Variants in MPPED1 observed in about 807,000 individuals in gnomAD.
MPPED1 encodes metallophosphoesterase domain containing 1, also known as metallophosphoesterase domain-containing protein 1.
In MPPED1, 16 loss-of-function variants were observed where a neutral mutation model predicts 36.2. The ratio of observed to expected loss-of-function variants is 0.44; its 90% CI spans 0.30 to 0.67. The LOEUF is 0.67. Among genes scored for constraint, MPPED1 ranks in the 30% least tolerant of loss-of-function variants. MPPED1 has a pLI of 0.10. For synonymous variants in MPPED1, 199 were observed against 191.3 expected (o/e 1.04, Z -0.33); for missense variants, 307 against 453.4 (o/e 0.68, Z 2.93).
At position 43,502,717 on chromosome 22, in the gene MPPED1, C is replaced by T. The variant is rs1301751962; in HGVS notation, c.822C>T (p.Arg274=). The T allele has an allele frequency of 5.6e-6, 9 of 1,613,176 alleles. No homozygotes were observed. The highest frequency in any genetic ancestry group is 5.3e-5 in the African/African-American group (4 of 74,934). Residue 274 remains arginine, a synonymous_variant, in exon 6 of 7, where the codon CGC becomes CGT. Transcript: ENST00000443721. The surrounding 1 kb of genome is among the most constrained non-coding windows in gnomAD (Gnocchi z 5.5). ...CVELLNTVQR[R]VQPRLHVFGH... Reference sequence around the variant, plus strand: ...AGCTGCTCAACACGGTGCAGAGGCGCGTCCAGCCGCGGTTACATGTCTTTG... The same window carrying T: ...AGCTGCTCAACACGGTGCAGAGGCGTGTCCAGCCGCGGTTACATGTCTTTG...
intron 2 of MPPED1, among the ~76,000 whole-genome samples, chr22:43,429,900 C>T (rs1054461092): frequency 7.9e-5 from 12 of 152,124 alleles, no homozygotes; most frequent in Non-Finnish European, 1.6e-4. Context: ...CCAGCAAGAG[C>T]AGAGGCCAGG....
intron 3 of MPPED1, among the ~76,000 whole-genome samples, chr22:43,435,860 A>G (rs1347113306): frequency 6.6e-6 from 1 of 152,184 alleles, no homozygotes; most frequent in East Asian, 1.9e-4. Flanking sequence ...CTGTCTCAAA[A>G]GAAAAGAAAT....
In MPPED1 at chr22:43,474,950, T is replaced by C. The variant is rs1931497465; in HGVS notation, c.621T>C (p.Tyr207=). 1 of 1,613,950 alleles carries C rather than the reference T, an allele frequency of 6.2e-7. No homozygotes were observed. The highest frequency in any genetic ancestry group is 8.5e-7 in the Non-Finnish European group (1 of 1,179,860). ...SEVTVRGFRI[Y]GSPWQPWFYG... Reference sequence around the variant, plus strand: ...TCACCGTGCGGGGCTTCCGGATCTATGGCTCCCCATGGTGAGTGGGCCTGG... The same window carrying C: ...TCACCGTGCGGGGCTTCCGGATCTACGGCTCCCCATGGTGAGTGGGCCTGG... Residue 207 remains tyrosine (Y), a synonymous_variant, in exon 4 of 7, where the codon TAT becomes TAC. Transcript: ENST00000443721. The surrounding 1 kb of genome is among the most constrained non-coding windows in gnomAD (Gnocchi z 5.2).
At chr22:43,461,225 G>T (rs1043527269) in intron 3 of MPPED1, among the ~76,000 whole-genome samples, 3 of 152,138 alleles carry the variant, frequency 2.0e-5, no homozygotes, top group African/African-American at 7.2e-5. Flanking sequence ...TACAAATGAG[G>T]CTTTATATGC....
At chr22:43,413,390 A>C (rs1307545347) in intron 1 of MPPED1, among the ~76,000 whole-genome samples, 1 of 149,950 alleles carries the variant, frequency 6.7e-6, no homozygotes, top group African/African-American at 2.5e-5. Flanking sequence ...AAAAAAAAAA[A>C]AAAAATTAAA....
At chr22:43,433,266 C>T (rs534332844) in intron 2 of MPPED1, among the ~76,000 whole-genome samples, 2 of 152,258 alleles carry the variant, frequency 1.3e-5, no homozygotes, top group African/African-American at 4.8e-5. Context: ...CCTGTCCCCT[C>T]TGCTGCCCTG....
chr22:43,433,073 C>A (rs1372667370), intron 2 of MPPED1, among the ~76,000 whole-genome samples: 2 of 151,866 alleles, frequency 1.3e-5, no homozygotes, highest in Non-Finnish European at 2.9e-5. Flanking sequence ...TGTGGGGGGG[C>A]GGCAGGGTAT....
At chr22:43,456,640 G>A (rs1192996922) in intron 3 of MPPED1, among the ~76,000 whole-genome samples, 1 of 152,164 alleles carries the variant, frequency 6.6e-6, no homozygotes, top group African/African-American at 2.4e-5. Flanking sequence ...GATTACAGAT[G>A]TGCAGCACCA....
At chr22:43,436,999 CT>C (rs1176989505) in intron 3 of MPPED1, among the ~76,000 whole-genome samples, 1 of 152,218 alleles carries the variant, frequency 6.6e-6, no homozygotes, top group Non-Finnish European at 1.5e-5. Flanking sequence ...ACAAAAGGTT[CT>C]TTCCCTCAGG....
At chr22:43,456,573 C>T (rs1271400896) in intron 3 of MPPED1, among the ~76,000 whole-genome samples, 1 of 152,204 alleles carries the variant, frequency 6.6e-6, no homozygotes, top group African/African-American at 2.4e-5. Flanking sequence ...TGGCTAACTG[C>T]AACCTCTGCC....
chr22:43,438,702 G>C (rs1323997536), intron 3 of MPPED1, among the ~76,000 whole-genome samples: 1 of 152,066 alleles, frequency 6.6e-6, no homozygotes, highest in African/African-American at 2.4e-5. Flanking sequence ...TATAGGGGAG[G>C]GGTGTGTTTT....
At chr22:43,481,888 C>A (rs539690593) in intron 4 of MPPED1, among the ~76,000 whole-genome samples, 1 of 152,344 alleles carries the variant, frequency 6.6e-6, no homozygotes, top group African/African-American at 2.4e-5. Context: ...CACCGCTGTG[C>A]CCTGCACTTA....
intron 4 of MPPED1, among the ~76,000 whole-genome samples, chr22:43,487,923 C>A (rs1225689769): frequency 6.6e-6 from 1 of 152,078 alleles, no homozygotes; most frequent in South Asian, 2.1e-4. Context: ...GCGGGTGGCG[C>A]GAGGCTGATT....
chr22:43,415,225 C>CAAAAAAAAAAAAAGAAAAAAAG, intron 1 of MPPED1, among the ~76,000 whole-genome samples: 1 of 49,416 alleles, frequency 2.0e-5, no homozygotes, highest in Non-Finnish European at 3.5e-5. Context: ...ATGTCAAAAG[C>CAAAAAAAAAAAAAGAAAAAAAG]AAAAAAAAAA....
intron 3 of MPPED1, among the ~76,000 whole-genome samples, chr22:43,463,311 T>C (rs970317438): frequency 6.6e-6 from 1 of 151,194 alleles, no homozygotes; most frequent in Non-Finnish European, 1.5e-5. Context: ...AGTACTCAGA[T>C]GTTGGGCTTA....
intron 4 of MPPED1, among the ~76,000 whole-genome samples, chr22:43,497,426 C>A (rs1250010347): frequency 6.6e-6 from 1 of 151,992 alleles, no homozygotes; most frequent in Non-Finnish European, 1.5e-5. Context: ...TCTTGGGTAA[C>A]TTAACAGCTG....
At chr22:43,412,219 G>A (rs1489180603) in intron 1 of MPPED1, 61 bp downstream of exon 1, 15 of 904,932 alleles carry the variant, frequency 1.7e-5, no homozygotes, top group Non-Finnish European at 1.8e-5. Context: ...GCGGGGCGCG[G>A]CCGGGACCCT....
intron 3 of MPPED1, among the ~76,000 whole-genome samples, chr22:43,453,708 C>T (rs1930654481): frequency 6.6e-6 from 1 of 152,170 alleles, no homozygotes; most frequent in Non-Finnish European, 1.5e-5. Context: ...ACTCTCAGAG[C>T]TCCAAGAGCC....
intron 3 of MPPED1, among the ~76,000 whole-genome samples, chr22:43,471,424 A>G (rs781582363): frequency 1.3e-5 from 2 of 152,166 alleles, no homozygotes; most frequent in Non-Finnish European, 2.9e-5. Context: ...GTGCCCGTCT[A>G]GAGGGGTGGG....
Sources: gnomAD v4.1 joint callset for allele counts (sites outside exome capture counted in the v4.1 genomes callset) on GRCh38, gnomAD v4.1.1 for gene constraint, Gnocchi (gnomAD v3.1) non-coding constraint, MANE v1.5 for transcripts, NCBI Gene and HGNC (gene_info 2026-07-23, HGNC 2026-07-21) for gene names.